TRMU: variants seen among roughly 807,000 people sequenced by gnomAD.
TRMU encodes mitochondrial tRNA-specific 2-thiouridylase 1.
Under a neutral mutation model 46.9 loss-of-function variants are expected in TRMU, and 49 were observed. The ratio of observed to expected loss-of-function variants is 1.05; its 90% CI spans 0.83 to 1.33. The LOEUF is 1.33. TRMU is among the 40% of genes most tolerant of loss of function. The probability of loss-of-function intolerance (pLI) is 0.00; values close to 1 mark genes in which losing one functional copy is unlikely to be tolerated. For missense variants in TRMU, 572 were observed against 532.4 expected (o/e 1.07, Z -0.73); for synonymous variants, 241 against 200.9 (o/e 1.20, Z -1.69).
chr22:46,353,657 A>G (rs749994082), intron 7 of TRMU, 110 bp from the exon 8 acceptor site: 7 of 974,330 alleles, frequency 7.2e-6, no homozygotes, highest in Non-Finnish European at 1.2e-5. Flanking sequence ...GAGTTACACC[A>G]TTGCTGGGCC....
chr22:46,343,577 T>A (rs1228533526), intron 3 of TRMU, among the ~76,000 whole-genome samples: 1 of 152,022 alleles, frequency 6.6e-6, no homozygotes, highest in Non-Finnish European at 1.5e-5. Context: ...GTCACAACTG[T>A]ATTGTCCAGG....
chr22:46,352,631 C>T (rs79580966), intron 7 of TRMU: 1 of 488,118 alleles, frequency 2.0e-6, no homozygotes, highest in East Asian at 3.9e-5. Context: ...GAATGATTTC[C>T]TTCCTGTGTA....
In TRMU at chr22:46,346,847, G is replaced by C. The variant is rs1342104178; in HGVS notation, c.478+303G>C. On this transcript the variant is annotated intron_variant, in intron 4 of 10. Transcript: ENST00000645190. ...GATTTGAATGTTCCAAAAATATCTG[G>C]GTAAATATTTGACAGTGATAATTGG... is the stretch of plus-strand genomic sequence containing the variant. Among the ~76,000 whole-genome samples, 4 of 152,208 alleles carry C rather than the reference G, an allele frequency of 2.6e-5. No individual in the cohort carries two copies. In the South Asian group the frequency reaches 6.2e-4, roughly 24 times the overall value.
chr22:46,346,046 C>T (rs2078247374), intron 3 of TRMU, among the ~76,000 whole-genome samples: 1 of 152,182 alleles, frequency 6.6e-6, no homozygotes, highest in Non-Finnish European at 1.5e-5. Flanking sequence ...GCTAGGATTA[C>T]AGGCATGAGC....
At chr22:46,341,571 G>GT (rs924876560) in intron 2 of TRMU, among the ~76,000 whole-genome samples, 55 of 149,136 alleles carry the variant, frequency 3.7e-4, no homozygotes, top group African/African-American at 8.9e-4. Flanking sequence ...ATCAGCACTG[G>GT]TTTTTTTTTT....
In TRMU at chr22:46,338,008, CCG is replaced by C; in HGVS notation, c.248+65_248+66del. 1 of 1,606,910 alleles carries C rather than the reference CCG, an allele frequency of 6.2e-7. No individual in the cohort carries two copies. The stretch of plus-strand genomic sequence containing the variant: ...CTGTGGATCCTTGCAGTGGAAGGAT[CCG>C]GTAACCAGCCAGACCGACGCCTGTG... On this transcript the variant is annotated intron_variant, in intron 2 of 10. Coordinates refer to ENST00000645190, the MANE Select transcript of TRMU (RefSeq NM_018006.5). This position sits in a 1 kb window ranked among gnomAD's most constrained non-coding sequence, Gnocchi z 4.5.
At chr22:46,335,947 C>A in intron 1 of TRMU, 101 bp downstream of exon 1, 1 of 1,489,638 alleles carries the variant, frequency 6.7e-7, no homozygotes, top group Non-Finnish European at 8.9e-7. Flanking sequence ...CTCCCTGGGC[C>A]GCTGGTTGCG....
chr22:46,343,177 A>AT (rs1255197039), intron 2 of TRMU, 85 bp from the exon 3 acceptor site: 1 of 981,136 alleles, frequency 1.0e-6, no homozygotes, highest in African/African-American at 1.7e-5. Flanking sequence ...GGGAAATTAC[A>AT]TTAAACAAGC....
At position 46,346,413 on chromosome 22, in the gene TRMU, AC is replaced by A; in HGVS notation, c.356-7del. 1 of 1,611,266 alleles carries A rather than the reference AC, an allele frequency of 6.2e-7. No homozygotes were observed. The highest frequency in any genetic ancestry group is 1.3e-5 in the African/African-American group (1 of 74,780). On this transcript the variant is annotated splice_polypyrimidine_tract_variant and splice_region_variant and intron_variant, in intron 3 of 10. Coordinates refer to ENST00000645190, the MANE Select transcript of TRMU (RefSeq NM_018006.5). ...AAAACCTGATCCTTGTGTTCTAAAA[AC>A]CTCACAGGGGCAGATGCCATTGCCA...
At chr22:46,354,261 C>G (rs771141369) in intron 8 of TRMU, 3 of 294,940 alleles carry the variant, frequency 1.0e-5, no homozygotes, top group Non-Finnish European at 2.0e-5. Flanking sequence ...GATGGCCAAG[C>G]CAGGATCAAA....
At position 46,355,593 on chromosome 22, in the gene TRMU, C is replaced by G. The variant is rs2078578258; in HGVS notation, c.1018+5C>G. 1.2e-6 allele frequency: 2 copies of G among 1,613,222 alleles called. No individual in the cohort carries two copies. The highest frequency in any genetic ancestry group is 2.7e-5 in the African/African-American group (2 of 74,942). On this transcript the variant is annotated splice_donor_5th_base_variant and intron_variant, in intron 9 of 10. Transcript: ENST00000645190. The stretch of plus-strand genomic sequence containing the variant: ...TCCGCCACCAGATGGCACTAGGTGA[C>G]TGACGGGAGGGCTCCTGAGGACGGG...
At chr22:46,335,993 T>C in intron 1 of TRMU, 147 bp downstream of exon 1, 1 of 1,455,604 alleles carries the variant, frequency 6.9e-7, no homozygotes, top group East Asian at 2.6e-5. Flanking sequence ...TCCTCTGACT[T>C]TGGTTCGGAG....
At chr22:46,355,095 C>T (rs1435248007) in intron 8 of TRMU, 1 of 396,522 alleles carries the variant, frequency 2.5e-6, no homozygotes, top group Non-Finnish European at 4.7e-6. Context: ...AAAACCAGTC[C>T]TCGAGGGGGG....
chr22:46,343,668 G>A (rs2078180896), intron 3 of TRMU, among the ~76,000 whole-genome samples: 1 of 152,154 alleles, frequency 6.6e-6, no homozygotes, highest in Admixed American at 6.6e-5. Flanking sequence ...GAGCCCCTGT[G>A]CCTAGCCTGT....
intron 10 of TRMU, 142 bp downstream of exon 10, chr22:46,356,214 A>AGCCCT (rs1602000409): frequency 3.6e-6 from 3 of 844,450 alleles, no homozygotes; most frequent in Non-Finnish European, 5.7e-6. Context: ...GAGTGCCACC[A>AGCCCT]GCCCTGCCCT....
At chr22:46,355,672 T>C (rs1034554018) in intron 9 of TRMU, 84 bp downstream of exon 9, 1 of 1,605,614 alleles carries the variant, frequency 6.2e-7, no homozygotes, top group East Asian at 2.2e-5. Context: ...TGGGAGACCC[T>C]GGGGTAGGAA....
rs1601936943 is a variant in TRMU at position 46,338,385 on chromosome 22, A to G, written c.248+441A>G. The stretch of plus-strand genomic sequence containing the variant: ...AACAAAAACTTTTCTAAAATCCAAT[A>G]TAATCTCAATAATTAAGTGCTGTGT... On this transcript the variant is annotated intron_variant, in intron 2 of 10. Coordinates refer to ENST00000645190, the MANE Select transcript of TRMU (RefSeq NM_018006.5). The surrounding 1 kb of genome is among the most constrained non-coding windows in gnomAD (Gnocchi z 4.5). Among the ~76,000 whole-genome samples the G allele has an allele frequency of 6.6e-6, 1 of 152,376 alleles. No individual in the cohort carries two copies. The highest frequency in any genetic ancestry group is 1.5e-5 in the Non-Finnish European group (1 of 68,040).
At chr22:46,345,657 G>A (rs1024857524) in intron 3 of TRMU, among the ~76,000 whole-genome samples, 3 of 152,110 alleles carry the variant, frequency 2.0e-5, no homozygotes, top group African/African-American at 4.8e-5. Context: ...GCTGAACAGT[G>A]CCGGGCATTT....
intron 7 of TRMU, 42 bp from the exon 8 acceptor site, chr22:46,353,725 T>C (rs774353178): frequency 1.3e-6 from 2 of 1,589,988 alleles, no homozygotes; most frequent in African/African-American, 2.7e-5. Context: ...ATGTGGGCTG[T>C]AACTTGTTGC....
Sources: allele counts gnomAD v4.1 joint callset (sites outside exome capture counted in the v4.1 genomes callset), GRCh38; gene constraint gnomAD v4.1.1; non-coding constraint Gnocchi (gnomAD v3.1); transcripts MANE v1.5; gene names NCBI Gene and HGNC (gene_info 2026-07-23, HGNC 2026-07-21).